The following SYNE2 variants were observed in gnomAD, a reference collection of about 807,000 sequenced individuals.
The protein encoded by SYNE2 is spectrin repeat containing nuclear envelope protein 2, also known as nesprin-2.
In SYNE2, 431 loss-of-function variants were observed where a neutral mutation model predicts 856.3. The observed-to-expected ratio is 0.50, with a 90% CI of 0.47 to 0.55. SYNE2 has a LOEUF of 0.55. Among genes scored for constraint, SYNE2 ranks in the 20% least tolerant of loss-of-function variants. SYNE2 has a pLI of 0.00. For missense variants in SYNE2, 8,129 were observed against 8,023.2 expected (o/e 1.01, Z -0.50); for synonymous variants, 2,923 against 2,872.3 (o/e 1.02, Z -0.56).
chr14:63,843,990 G>A (rs773421079), intron 1 of SYNE2, among the ~76,000 whole-genome samples: 3 of 152,016 alleles, frequency 2.0e-5, no homozygotes, highest in Non-Finnish European at 4.4e-5. Context: ...ATCAGCATCC[G>A]GCACCAGAGT....
At chr14:63,889,877 G>C (rs2095087294) in intron 1 of SYNE2, among the ~76,000 whole-genome samples, 1 of 152,076 alleles carries the variant, frequency 6.6e-6, no homozygotes, top group South Asian at 2.1e-4. Context: ...GCTGTGGTTT[G>C]ATGCATGGAC....
At chr14:63,801,462 G>A (rs573956827) in intron 1 of SYNE2, among the ~76,000 whole-genome samples, 45 of 152,220 alleles carry the variant, frequency 3.0e-4, no homozygotes, top group African/African-American at 8.2e-4. Context: ...ACCTGAGGTC[G>A]GGAGTTCGAG....
intron 88 of SYNE2, among the ~76,000 whole-genome samples, 192 bp from the exon 89 acceptor site, chr14:64,163,210 G>A (rs572729190): frequency 4.6e-5 from 7 of 152,198 alleles, no homozygotes; most frequent in Admixed American, 2.6e-4. Flanking sequence ...GACAAATTTC[G>A]GAAAAGCGCC....
rs749813131 is a variant in SYNE2, at chr14:64,022,740, T to TC, written c.5525-6dup. The stretch of plus-strand genomic sequence containing the variant: ...CCTTGAATGAATAGAGCTTTTTTTT[T>TC]CCCCCTGCAGATCAATGCAAGAACT... On this transcript the variant is annotated splice_polypyrimidine_tract_variant and intron_variant, in intron 37 of 115. Transcript: ENST00000555002. The TC allele has an allele frequency of 1.4e-6, 2 of 1,403,824 alleles. No individual in the cohort carries two copies. Among genetic ancestry groups the TC allele is most frequent in the Admixed American group, 1.7e-5 (1 of 58,882 alleles). The allele number at this position is 1,403,824 out of a possible 1,614,324, so 87.0% of individuals were successfully genotyped here.
intron 1 of SYNE2, among the ~76,000 whole-genome samples, chr14:63,853,464 G>A (rs1176096030): frequency 1.3e-5 from 2 of 151,706 alleles, no homozygotes; most frequent in Non-Finnish European, 2.9e-5. Flanking sequence ...CGGTCCGCCC[G>A]GCTCGGGCAG....
At chr14:63,957,924 T>C (rs999254001) in intron 8 of SYNE2, among the ~76,000 whole-genome samples, 5 of 152,058 alleles carry the variant, frequency 3.3e-5, no homozygotes, top group Non-Finnish European at 5.9e-5. Context: ...TATAAAGTAT[T>C]TGAAGTTCTG....
intron 74 of SYNE2, 39 bp from the exon 75 acceptor site, chr14:64,129,743 A>C (rs577852606): frequency 6.2e-7 from 1 of 1,613,224 alleles, no homozygotes; most frequent in African/African-American, 1.3e-5. Context: ...TCTCTGACTT[A>C]CTGAAGGGTT....
At chr14:64,093,263 A>G (rs973244550) in intron 60 of SYNE2, 86 bp from the exon 61 acceptor site, 2 of 1,525,412 alleles carry the variant, frequency 1.3e-6, no homozygotes, top group African/African-American at 2.7e-5. Context: ...AGTGATTAAA[A>G]CTTCCATGGG....
At chr14:64,087,326 C>T in intron 57 of SYNE2, 1 of 468,534 alleles carries the variant, frequency 2.1e-6, no homozygotes, top group Non-Finnish European at 4.2e-6. Context: ...GGTGGCTGAG[C>T]TATTTTGACA....
chr14:63,966,161 C>T (rs1483287275), intron 10 of SYNE2, among the ~76,000 whole-genome samples: 3 of 152,018 alleles, frequency 2.0e-5, no homozygotes, highest in East Asian at 1.9e-4. Flanking sequence ...GTGAATAAAA[C>T]GTTATTGGAA....
At chr14:63,839,175 A>G (rs1487759653) in intron 1 of SYNE2, among the ~76,000 whole-genome samples, 1 of 152,006 alleles carries the variant, frequency 6.6e-6, no homozygotes, top group Non-Finnish European at 1.5e-5. Context: ...GACTACAGTC[A>G]TGTGCCACCA....
At chr14:63,860,338 C>CAAAAAT (rs1197224435) in intron 1 of SYNE2, among the ~76,000 whole-genome samples, 6 of 152,152 alleles carry the variant, frequency 3.9e-5, no homozygotes, top group Admixed American at 1.3e-4. Context: ...CTCTGGGCTG[C>CAAAAAT]ATTAGGAGGA....
Position 64,168,871 on chromosome 14 carries a change from A to G in SYNE2, c.16906-6A>G, listed in dbSNP as rs2153724440. On this transcript the variant is annotated splice_region_variant and splice_polypyrimidine_tract_variant and intron_variant, in intron 92 of 115. Coordinates refer to ENST00000555002, the MANE Select transcript of SYNE2 (RefSeq NM_182914.3). The stretch of plus-strand genomic sequence containing the variant: ...GCTGATATTTTCTGCTTGGACTCAT[A>G]TACAGATGTTAGAAGCTGAAGTTTC... 2 of 1,604,360 alleles carry G rather than the reference A, an allele frequency of 1.2e-6. No individual in the cohort carries two copies. The highest frequency in any genetic ancestry group is 2.2e-5 in the East Asian group (1 of 44,844).
chr14:63,854,932 T>G (rs1286276667), intron 1 of SYNE2, among the ~76,000 whole-genome samples: 1 of 152,200 alleles, frequency 6.6e-6, no homozygotes, highest in Non-Finnish European at 1.5e-5. Context: ...AGCAATTGGT[T>G]CATTTTTCAT....
At chr14:64,208,675 A>G in intron 100 of SYNE2, 83 bp from the exon 101 acceptor site, 1 of 1,431,352 alleles carries the variant, frequency 7.0e-7, no homozygotes, top group South Asian at 1.2e-5. Context: ...GGGAGAAGGG[A>G]GGGAGGAACG....
upstream of SYNE2, among the ~76,000 whole-genome samples, chr14:63,851,647 C>T (rs1160415437): frequency 6.6e-6 from 1 of 152,128 alleles, no homozygotes; most frequent in Admixed American, 6.5e-5. Context: ...GTACAACTTA[C>T]AACTAATTTT....
intron 1 of SYNE2, among the ~76,000 whole-genome samples, chr14:63,807,286 G>A (rs2139814622): frequency 1.3e-5 from 2 of 150,614 alleles, no homozygotes; most frequent in South Asian, 4.2e-4. Context: ...AGGTTGCAGT[G>A]AGCTCTGACT....
At chr14:63,893,520 TGCCACTGTACTCCA>T (rs1341382157) in intron 1 of SYNE2, among the ~76,000 whole-genome samples, 1 of 152,138 alleles carries the variant, frequency 6.6e-6, no homozygotes, top group African/African-American at 2.4e-5. Flanking sequence ...GGTAAGATCG[TGCCACTGTACTCCA>T]GCCTGGGCAA....
In SYNE2 at chr14:63,944,517, CT is replaced by C. The variant is rs1188374243; in HGVS notation, c.408+2398del. Among the ~76,000 whole-genome samples the C allele has an allele frequency of 5.5e-3, 499 of 90,150 alleles. 1 individual carries two copies. Among genetic ancestry groups the C allele is most frequent in the Non-Finnish European group, 6.8e-3 (315 of 46,502 alleles). The allele number at this position is 90,150 out of a possible 152,430, so 59.1% of individuals were successfully genotyped here. ...TAGGGTTTGCAAACTTAAAGCCTTT[CT>C]TTTTTTTTTTTTTTTTTTTTTTTGA... On this transcript the variant is annotated intron_variant, in intron 6 of 115. Coordinates refer to ENST00000555002, the MANE Select transcript of SYNE2 (RefSeq NM_182914.3).
Sources: gnomAD v4.1 joint callset for allele counts (sites outside exome capture counted in the v4.1 genomes callset) on GRCh38, gnomAD v4.1.1 for gene constraint, MANE v1.5 for transcripts, NCBI Gene and HGNC (gene_info 2026-07-23, HGNC 2026-07-21) for gene names.